Variants in LINGO2 observed in about 807,000 individuals in gnomAD.
The protein encoded by LINGO2 is leucine-rich repeat and immunoglobulin-like domain-containing nogo receptor-interacting protein 2.
Under a neutral mutation model 30.6 loss-of-function variants are expected in LINGO2, and 14 were observed. That is an observed-to-expected ratio of 0.46 (90% CI 0.30 to 0.72). The LOEUF (loss-of-function observed/expected upper bound fraction) is 0.72, where lower values mean the gene tolerates loss of function less well. LINGO2 is among the 30% of genes least tolerant of loss of function. The pLI is 0.07. For missense variants in LINGO2, 729 were observed against 751.7 expected, an observed-to-expected ratio of 0.97 and a Z score of 0.35; for synonymous variants, 317 against 288.5, an observed-to-expected ratio of 1.10 and a Z score of -1.00.
At chr9:28,091,351 T>C (rs1221527476) in intron 4 of LINGO2, among the ~76,000 whole-genome samples, 1 of 152,202 alleles carries the variant, frequency 6.6e-6, no homozygotes, top group Non-Finnish European at 1.5e-5. Flanking sequence ...AGCATGGTAC[T>C]GGTACCAAAA....
At chr9:28,628,385 A>T (rs1430586266) in intron 1 of LINGO2, among the ~76,000 whole-genome samples, 1 of 152,106 alleles carries the variant, frequency 6.6e-6, no homozygotes, top group Non-Finnish European at 1.5e-5. Context: ...ATAAATTCAC[A>T]TAACAGTAAA....
intron 3 of LINGO2, among the ~76,000 whole-genome samples, chr9:28,362,812 C>A (rs1175401330): frequency 6.6e-6 from 1 of 152,090 alleles, no homozygotes; most frequent in Non-Finnish European, 1.5e-5. Flanking sequence ...ATTCTTCTAG[C>A]AGTTAAGATA....
chr9:28,200,990 A>C (rs1820210410), intron 4 of LINGO2, among the ~76,000 whole-genome samples: 1 of 151,606 alleles, frequency 6.6e-6, no homozygotes, highest in South Asian at 2.1e-4. Context: ...GGGCTGACAG[A>C]TTCAGCTTTT....
chr9:28,062,370 ATC>A (rs1324884564), intron 4 of LINGO2, among the ~76,000 whole-genome samples: 2 of 151,000 alleles, frequency 1.3e-5, no homozygotes, highest in Non-Finnish European at 3.0e-5. Context: ...CACTGCAAAT[ATC>A]TCTGTTAGGA....
At chr9:28,038,490 G>A (rs1054408923) in intron 4 of LINGO2, among the ~76,000 whole-genome samples, 4 of 152,042 alleles carry the variant, frequency 2.6e-5, no homozygotes, top group Non-Finnish European at 5.9e-5. Flanking sequence ...TCAGGAGATC[G>A]AGACCATCCC....
chr9:27,981,533 G>GTAAAAAAAAAAAAAAAA (rs1820854397), intron 5 of LINGO2, among the ~76,000 whole-genome samples: 1 of 29,626 alleles, frequency 3.4e-5, no homozygotes, highest in Non-Finnish European at 6.7e-5. Context: ...GACGAGGATG[G>GTAAAAAAAAAAAAAAAA]CAAAAAAAAA....
the LINGO2 span, among the ~76,000 whole-genome samples, chr9:28,851,502 T>A: frequency 6.6e-6 from 1 of 151,996 alleles, no homozygotes; most frequent in Non-Finnish European, 1.5e-5. Context: ...CTTAAACCAA[T>A]CTGCAATATT....
chr9:28,649,583 A>G (rs1444813043), intron 1 of LINGO2, among the ~76,000 whole-genome samples: 1 of 134,176 alleles, frequency 7.5e-6, no homozygotes, highest in Non-Finnish European at 1.5e-5. Context: ...AACTTAAATC[A>G]GTTAAAAAAA....
chr9:28,795,211 C>A, the LINGO2 span, among the ~76,000 whole-genome samples: 1 of 152,118 alleles, frequency 6.6e-6, no homozygotes, highest in Admixed American at 6.5e-5. Flanking sequence ...GGACTTTGTG[C>A]CTGTCTTGTT....
At chr9:28,733,898 A>G in the LINGO2 span, among the ~76,000 whole-genome samples, 4 of 152,138 alleles carry the variant, frequency 2.6e-5, no homozygotes, top group Non-Finnish European at 5.9e-5. Flanking sequence ...CCTAAGTACT[A>G]TCACTAAGTA....
intron 4 of LINGO2, among the ~76,000 whole-genome samples, chr9:28,026,502 C>T (rs927886331): frequency 3.3e-5 from 5 of 152,178 alleles, no homozygotes; most frequent in Non-Finnish European, 7.3e-5. Flanking sequence ...GTGCTGTAGT[C>T]ACACTTTGAG....
the LINGO2 span, among the ~76,000 whole-genome samples, chr9:28,792,711 T>C: frequency 2.0e-5 from 3 of 152,150 alleles, no homozygotes; most frequent in Non-Finnish European, 4.4e-5. Context: ...CAAAATGTTT[T>C]AGTATCTCAA....
rs56044203 is a variant in LINGO2, at chr9:28,088,203, TACACACACACACACACAC to T, written c.-86-75816_-86-75799del. ...AAATAAGATTATATATATATAATTA[TACACACACACACACACAC>T]ACACACACACACACACATATAATGG... is the stretch of plus-strand genomic sequence containing the variant. On this transcript the variant is annotated intron_variant, in intron 4 of 5. Transcript: ENST00000379992. 1.3e-4 allele frequency among the ~76,000 whole-genome samples: 20 copies of T among 148,618 alleles called. 1 individual carries two copies. Among genetic ancestry groups the T allele is most frequent in the African/African-American group, 4.4e-4 (18 of 40,532 alleles).
chr9:28,166,404 T>A (rs1269882512), intron 4 of LINGO2, among the ~76,000 whole-genome samples: 2 of 152,198 alleles, frequency 1.3e-5, no homozygotes. Flanking sequence ...ATGCATTTGT[T>A]ATGGTTAAAT....
intron 4 of LINGO2, among the ~76,000 whole-genome samples, chr9:28,074,434 A>T (rs924104510): frequency 6.6e-6 from 1 of 152,174 alleles, no homozygotes; most frequent in Admixed American, 6.6e-5. Context: ...CCTTTATTGG[A>T]TCATGTCGTA....
At chr9:28,770,500 G>C in the LINGO2 span, among the ~76,000 whole-genome samples, 1 of 152,132 alleles carries the variant, frequency 6.6e-6, no homozygotes, top group African/African-American at 2.4e-5. Context: ...TGGTTGCTAT[G>C]TCATTTTACA....
intron 4 of LINGO2, among the ~76,000 whole-genome samples, chr9:28,160,932 AC>A (rs1173117524): frequency 6.6e-6 from 1 of 152,076 alleles, no homozygotes; most frequent in Non-Finnish European, 1.5e-5. Flanking sequence ...CATTTGGGAC[AC>A]CCATGCTCCT....
chr9:28,577,724 C>G (rs1415971268), intron 1 of LINGO2, among the ~76,000 whole-genome samples: 1 of 152,008 alleles, frequency 6.6e-6, no homozygotes, highest in East Asian at 1.9e-4. Flanking sequence ...AATTTCAAGT[C>G]AAGATAAAAT....
At chr9:28,928,415 C>T in the LINGO2 span, among the ~76,000 whole-genome samples, 3 of 152,022 alleles carry the variant, frequency 2.0e-5, no homozygotes, top group East Asian at 1.9e-4. Flanking sequence ...CTTACTCAGT[C>T]GTTACGATAG....
Sources: gnomAD v4.1 joint callset for allele counts (sites outside exome capture counted in the v4.1 genomes callset) on GRCh38, gnomAD v4.1.1 for gene constraint, MANE v1.5 for transcripts, NCBI Gene and HGNC (gene_info 2026-07-23, HGNC 2026-07-21) for gene names.